SMARCD1: variants seen among roughly 807,000 people sequenced by gnomAD.
SMARCD1 encodes the protein SWI/SNF related BAF chromatin remodeling complex subunit D1, also known as SWI/SNF-related matrix-associated actin-dependent regulator of chromatin subfamily D member 1.
Under a neutral mutation model 70.8 loss-of-function variants are expected in SMARCD1, and 16 were observed. The observed-to-expected ratio is 0.23, with a 90% CI of 0.15 to 0.34. SMARCD1 has a LOEUF of 0.34. SMARCD1 is among the 10% of genes least tolerant of loss of function. The pLI, the probability that SMARCD1 is intolerant of heterozygous loss-of-function variation, is 1.00. For missense variants in SMARCD1, 409 were observed against 655.5 expected, an observed-to-expected ratio of 0.62 and a Z score of 4.11; for synonymous variants, 249 against 246.0, an observed-to-expected ratio of 1.01 and a Z score of -0.11.
At chr12:50,087,101 A>G (rs1001514289) in intron 4 of SMARCD1, among the ~76,000 whole-genome samples, 1 of 152,188 alleles carries the variant, frequency 6.6e-6, no homozygotes, top group African/African-American at 2.4e-5. Context: ...ACCCTTGTCC[A>G]TGTTTTCGCT....
rs1436270751 is a variant in SMARCD1 at position 50,098,825 on chromosome 12, T to C, written c.1494+10T>C. Reference sequence around the variant, plus strand: ...ATACTTCTACTCCAAGGTAAGTACATGGGGTGCACGGGGGAAATTGACAAA... The same window carrying C: ...ATACTTCTACTCCAAGGTAAGTACACGGGGTGCACGGGGGAAATTGACAAA... On this transcript the variant is annotated intron_variant, in intron 12 of 12. Transcript: ENST00000394963. 1.2e-6 allele frequency: 2 copies of C among 1,612,280 alleles called. No individual in the cohort carries two copies. Among genetic ancestry groups the C allele is most frequent in the Admixed American group, 3.3e-5 (2 of 60,016 alleles).
At chr12:50,091,784 T>G (rs935157296) in intron 9 of SMARCD1, among the ~76,000 whole-genome samples, 7 of 72,206 alleles carry the variant, frequency 9.7e-5, no homozygotes, top group African/African-American at 2.3e-4. Context: ...TCACCATGTT[T>G]GCCAGGCTGA....
chr12:50,094,828 C>T (rs575183171), intron 10 of SMARCD1, among the ~76,000 whole-genome samples: 5 of 152,260 alleles, frequency 3.3e-5, no homozygotes, highest in South Asian at 2.1e-4. Flanking sequence ...TCAGGAGTCT[C>T]GCTCTCTCGC....
intron 4 of SMARCD1, 114 bp downstream of exon 4, chr12:50,086,992 ATC>A: frequency 2.8e-6 from 3 of 1,085,154 alleles, no homozygotes; most frequent in Non-Finnish European, 2.7e-6. Flanking sequence ...TTTAAATTGC[ATC>A]TCTCCCTTCC....
At chr12:50,090,089 G>T (rs1005188025) in intron 7 of SMARCD1, 104 bp downstream of exon 7, 6 of 1,308,822 alleles carry the variant, frequency 4.6e-6, no homozygotes, top group Non-Finnish European at 6.5e-6. Flanking sequence ...TGCCACTTTG[G>T]CACAGAGATA....
chr12:50,088,321 C>T (rs1277831297), intron 5 of SMARCD1, 200 bp from the exon 6 acceptor site: 1 of 699,180 alleles, frequency 1.4e-6, no homozygotes, highest in South Asian at 1.5e-5. Flanking sequence ...GTGTTCTAGG[C>T]TGCTTCTTCA....
At chr12:50,087,661 C>G (rs1453282816) in intron 5 of SMARCD1, among the ~76,000 whole-genome samples, 176 bp downstream of exon 5, 1 of 152,140 alleles carries the variant, frequency 6.6e-6, no homozygotes, top group Non-Finnish European at 1.5e-5. Context: ...GCCCCCACAC[C>G]TTTGGCCCTC....
At chr12:50,090,049 TAA>T (rs1950827301) in intron 7 of SMARCD1, 64 bp downstream of exon 7, 14 of 1,437,924 alleles carry the variant, frequency 9.7e-6, no homozygotes, top group Admixed American at 1.7e-5. Context: ...AGTCTCACTT[TAA>T]AGAGTTTATG....
rs1253997132 is a variant in SMARCD1 at position 50,098,958 on chromosome 12, A to G, written c.1506A>G (p.Arg502=). 6.2e-7 allele frequency: 1 copy of G among 1,613,984 alleles called. No homozygotes were observed. Among genetic ancestry groups the G allele is most frequent in the Non-Finnish European group, 8.5e-7 (1 of 1,180,014 alleles). ...CRYFYSKVQQ[R]RQELEQALGI... is the part of the protein sequence containing the mutation. ...TATTTTCTCCTTAGGTGCAGCAGAG[A>G]CGACAAGAATTAGAGCAAGCCCTGG... The change falls in exon 13 of 13, where the codon AGA becomes AGG. Residue 502 remains arginine, a synonymous_variant. Transcript: ENST00000394963.
intron 1 of SMARCD1, 194 bp from the exon 2 acceptor site, chr12:50,085,967 C>G (rs760461675): frequency 1.0e-4 from 43 of 418,018 alleles, no homozygotes; most frequent in Non-Finnish European, 1.7e-4. Flanking sequence ...TGAGTATAAT[C>G]TGGCTCTCGC....
chr12:50,090,564 A>G lies in SMARCD1; in HGVS notation c.1107A>G (p.Glu369=). The G allele has an allele frequency of 6.2e-7, 1 of 1,613,616 alleles. No individual in the cohort carries two copies. The highest frequency in any genetic ancestry group is 8.5e-7 in the Non-Finnish European group (1 of 1,179,694). The change falls in exon 9 of 13, where the codon GAA becomes GAG. Residue 369 remains glutamate, a synonymous_variant. Transcript: ENST00000394963. ...QRLHALLMPP[E]PIIINHVISV... ...TCCATGCCTTGCTTATGCCACCAGA[A>G]CCTATCATCATTAATCATGTCATCA...
At chr12:50,094,293 A>T in intron 9 of SMARCD1, 144 bp from the exon 10 acceptor site, 1 of 730,188 alleles carries the variant, frequency 1.4e-6, no homozygotes, top group Non-Finnish European at 2.3e-6. Context: ...AATAAAGTGT[A>T]GAACATTTCT....
chr12:50,093,510 G>GTC (rs1432171253), intron 9 of SMARCD1, among the ~76,000 whole-genome samples: 1 of 151,956 alleles, frequency 6.6e-6, no homozygotes, highest in East Asian at 1.9e-4. Flanking sequence ...TTGAGACAGA[G>GTC]TCTCTCTCTG....
At chr12:50,086,377 AGGG>A in intron 2 of SMARCD1, 29 bp downstream of exon 2, 1 of 659,356 alleles carries the variant, frequency 1.5e-6, no homozygotes, top group Non-Finnish European at 2.8e-6. Flanking sequence ...AGAGGGAGGG[AGGG>A]AGGGAGCCTG....
intron 10 of SMARCD1, 35 bp downstream of exon 10, chr12:50,094,607 C>T (rs1226184092): frequency 3.1e-6 from 5 of 1,597,092 alleles, no homozygotes; most frequent in Non-Finnish European, 3.4e-6. Context: ...TGGGTACCAC[C>T]AGCCCCTATC....
In SMARCD1 at chr12:50,090,199, G is replaced by A. The variant is rs117830280; in HGVS notation, c.874-42G>A. ...CTTGAATGTATTGCTGCATATAGAC[G>A]CAGCTAACTAGCTTCATCCCCTATA... On this transcript the variant is annotated intron_variant, in intron 7 of 12. Transcript: ENST00000394963. 1.3e-3 allele frequency: 1,964 copies of A among 1,558,906 alleles called. 25 individuals carry two copies. The East Asian group carries it at 0.027, about 22-fold the overall frequency.
Position 50,098,714 on chromosome 12 carries a change from A to T in SMARCD1, c.1393A>T (p.Thr465Ser). The T allele has an allele frequency of 6.2e-7, 1 of 1,612,624 alleles. No homozygotes were observed. The highest frequency in any genetic ancestry group is 8.5e-7 in the Non-Finnish European group (1 of 1,178,592). ...CACCCTGCATCTCCATTTCCCTCAG[A>T]CAATGACTGATGTGGTGGGTAACCC... ...WLQSQCRDLK[T>S]MTDVVGNPEE... is the part of the protein sequence containing the mutation. The change falls in exon 12 of 13, where the codon ACA becomes TCA. Residue 465 changes from threonine (T) to serine (S), a missense_variant and splice_region_variant. Around this residue, in one of 2 missense-constraint regions of SMARCD1, gnomAD observed 269 missense variants for 498.6 expected, o/e 0.54. Coordinates refer to ENST00000394963, the MANE Select transcript of SMARCD1 (RefSeq NM_003076.5).
rs568058619 is a variant in SMARCD1, at chr12:50,090,821, C to T, written c.1133+231C>T. Reference sequence around the variant, plus strand: ...ATTATTACATTTTATTGTATTTGTGCTTTTTTTTTTTTTTTTTTTTGGAGA... The same window carrying T: ...ATTATTACATTTTATTGTATTTGTGTTTTTTTTTTTTTTTTTTTTTGGAGA... On this transcript the variant is annotated intron_variant, in intron 9 of 12. Transcript: ENST00000394963. Among the ~76,000 whole-genome samples, 23 of 102,398 alleles carry T rather than the reference C, an allele frequency of 2.2e-4. 1 individual carries two copies. Among genetic ancestry groups the T allele is most frequent in the South Asian group, 6.9e-4 (2 of 2,898 alleles). 67.2% of individuals were successfully genotyped at this position (102,398 alleles called of 152,430 possible). A position where few individuals can be genotyped will look rare whatever the true frequency, so the allele number is the denominator to read the frequency against.
At chr12:50,096,492 A>C (rs1190622553) in intron 10 of SMARCD1, among the ~76,000 whole-genome samples, 2 of 152,206 alleles carry the variant, frequency 1.3e-5, no homozygotes, top group Non-Finnish European at 2.9e-5. Flanking sequence ...CAAAACCCAG[A>C]GATGAGAGCT....
Sources: allele counts gnomAD v4.1 joint callset (sites outside exome capture counted in the v4.1 genomes callset), GRCh38; gene constraint gnomAD v4.1.1; regional missense constraint gnomAD v4.1.1; transcripts MANE v1.5; gene names NCBI Gene and HGNC (gene_info 2026-07-23, HGNC 2026-07-21).